Variants in CYTH4 observed in about 807,000 individuals in gnomAD.
CYTH4 encodes cytohesin-4.
A neutral mutation model predicts 57.5 loss-of-function variants in CYTH4; 22 were observed. The observed-to-expected ratio is 0.38, with a 90% CI of 0.27 to 0.55. The LOEUF (loss-of-function observed/expected upper bound fraction) is 0.55, where lower values mean the gene tolerates loss of function less well. Among genes scored for constraint, CYTH4 ranks in the 20% least tolerant of loss-of-function variants. CYTH4 has a pLI of 0.74. For missense variants in CYTH4, 420 were observed against 535.6 expected, an observed-to-expected ratio of 0.78 and a Z score of 2.13; for synonymous variants, 186 against 206.5, an observed-to-expected ratio of 0.90 and a Z score of 0.85.
At chr22:37,296,145 C>G (rs977425674) in intron 4 of CYTH4, 80 bp downstream of exon 4, 15 of 1,381,158 alleles carry the variant, frequency 1.1e-5, no homozygotes, top group Non-Finnish European at 1.5e-5. Flanking sequence ...TCGCTCCCCT[C>G]GGCTGACACG....
intron 8 of CYTH4, 84 bp from the exon 9 acceptor site, chr22:37,309,128 A>G: frequency 2.5e-6 from 3 of 1,213,298 alleles, no homozygotes; most frequent in Non-Finnish European, 3.6e-6. Flanking sequence ...TGACCTGCTC[A>G]AGGCCACACA....
rs1476346923 is a variant in CYTH4 at position 37,311,597 on chromosome 22, A to T, written c.957+70A>T. ...AATTTCCTAAACAGAACGTGGGGAG[A>T]GGGCCTGAGGCTGGGCTCTCCAGGA... On this transcript the variant is annotated intron_variant, in intron 11 of 12. Transcript: ENST00000248901. The surrounding 1 kb of genome is among the most constrained non-coding windows in gnomAD (Gnocchi z 4.4). 1.3e-6 allele frequency: 2 copies of T among 1,495,882 alleles called. No homozygotes were observed. Among genetic ancestry groups the T allele is most frequent in the African/African-American group, 2.8e-5 (2 of 72,522 alleles). The allele number at this position is 1,495,882 out of a possible 1,614,324, so 92.7% of individuals were successfully genotyped here. A position where few individuals can be genotyped will look rare whatever the true frequency, so the allele number is the denominator to read the frequency against.
chr22:37,311,677 T>TCC lies in CYTH4; in HGVS notation c.957+151_957+152dup. 1 of 788,910 alleles carries TCC rather than the reference T, an allele frequency of 1.3e-6. No individual in the cohort carries two copies. Among genetic ancestry groups the TCC allele is most frequent in the Non-Finnish European group, 2.1e-6 (1 of 483,030 alleles). 48.9% of individuals were successfully genotyped at this position (788,910 alleles called of 1,614,324 possible). On this transcript the variant is annotated intron_variant, in intron 11 of 12. Coordinates refer to ENST00000248901, the MANE Select transcript of CYTH4 (RefSeq NM_013385.5). The surrounding 1 kb of genome is among the most constrained non-coding windows in gnomAD (Gnocchi z 4.4). ...GTGGCTCAGGGCTGCCTTCTCTCCC[T>TCC]CCTGGGGCCATGGACAGTGAGAAAA...
intron 5 of CYTH4, chr22:37,297,891 T>C: frequency 2.1e-6 from 1 of 466,392 alleles, no homozygotes; most frequent in Non-Finnish European, 4.0e-6. Flanking sequence ...TAAATGTTGC[T>C]CAGGGTCTAC....
chr22:37,288,749 C>T (rs370125999), intron 1 of CYTH4, among the ~76,000 whole-genome samples: 102 of 152,328 alleles, frequency 6.7e-4, no homozygotes, highest in African/African-American at 2.1e-3. Context: ...TGGAGGATGG[C>T]GCCCCATCCA....
chr22:37,290,398 G>A (rs1221749103), intron 1 of CYTH4, among the ~76,000 whole-genome samples: 1 of 152,186 alleles, frequency 6.6e-6, no homozygotes, highest in Non-Finnish European at 1.5e-5. Context: ...CAATGTTGCA[G>A]GACTCTTCCC....
rs1184320960 is a variant in CYTH4 at position 37,303,396 on chromosome 22, G to A, written c.690G>A (p.Gln230=). The A allele has an allele frequency of 6.2e-7, 1 of 1,613,164 alleles. No individual in the cohort carries two copies. Among genetic ancestry groups the A allele is most frequent in the Non-Finnish European group, 8.5e-7 (1 of 1,179,722 alleles). The change falls in exon 8 of 13, where the codon CAG becomes CAA. Residue 230 remains glutamine (Q), a synonymous_variant. Coordinates refer to ENST00000248901, the MANE Select transcript of CYTH4 (RefSeq NM_013385.5). Reference sequence around the variant, plus strand: ...ATGGTAGCGACCTGCCCGAGGACCAGCTGCGGGTGAGAGAGGCGCAGCCCA... The same window carrying A: ...ATGGTAGCGACCTGCCCGAGGACCAACTGCGGGTGAGAGAGGCGCAGCCCA... ...INNGSDLPED[Q]LRNLFDSIKS...
chr22:37,304,329 G>A (rs1436394029), intron 8 of CYTH4: 2 of 454,942 alleles, frequency 4.4e-6, no homozygotes, highest in South Asian at 1.6e-5. Flanking sequence ...GGTGGGGCCA[G>A]AGGGTCCAGG....
In CYTH4 at chr22:37,309,971, A is replaced by G. The variant is rs1417196084; in HGVS notation, c.808+648A>G. 6.4e-6 allele frequency: 3 copies of G among 467,658 alleles called. No individual in the cohort carries two copies. The Admixed American group carries it at 7.1e-5, about 11-fold the overall frequency. The allele number at this position is 467,658 out of a possible 1,614,324, so 29.0% of individuals were successfully genotyped here. ...CCGGCCGTCTGCCCCTGCCTCCCAC[A>G]CACACTTCCGGAAGCCTCTCCAGCA... On this transcript the variant is annotated intron_variant, in intron 9 of 12. Coordinates refer to ENST00000248901, the MANE Select transcript of CYTH4 (RefSeq NM_013385.5).
Position 37,295,618 on chromosome 22 carries a change from G to A in CYTH4, c.168-381G>A, listed in dbSNP as rs918494240. 6.6e-6 allele frequency among the ~76,000 whole-genome samples: 1 copy of A among 152,240 alleles called. No individual in the cohort carries two copies. The highest frequency in any genetic ancestry group is 1.5e-5 in the Non-Finnish European group (1 of 68,042). The stretch of plus-strand genomic sequence containing the variant: ...AGATGAGGAACCTGAGGCCCAGAGA[G>A]AGGAAGTGACTCGCCCAAAGCAGCC... On this transcript the variant is annotated intron_variant, in intron 3 of 12. Transcript: ENST00000248901. This position sits in a 1 kb window ranked among gnomAD's most constrained non-coding sequence, Gnocchi z 4.1.
At chr22:37,297,717 T>C (rs774454890) in intron 5 of CYTH4, 35 bp downstream of exon 5, 7 of 1,577,418 alleles carry the variant, frequency 4.4e-6, no homozygotes, top group Admixed American at 3.3e-5. Context: ...AGGCAGGAAA[T>C]GAAGGTGTGC....
At chr22:37,285,873 C>T (rs950838780) in intron 1 of CYTH4, among the ~76,000 whole-genome samples, 3 of 152,166 alleles carry the variant, frequency 2.0e-5, no homozygotes, top group Non-Finnish European at 4.4e-5. Context: ...CATCATCACC[C>T]TCATGTGGGT....
At chr22:37,304,721 G>A (rs1205446752) in intron 8 of CYTH4, among the ~76,000 whole-genome samples, 3 of 152,180 alleles carry the variant, frequency 2.0e-5, no homozygotes, top group South Asian at 2.1e-4. Flanking sequence ...GAGCCACTCC[G>A]TAGCATGAGA....
intron 4 of CYTH4, 45 bp downstream of exon 4, chr22:37,296,110 A>C: frequency 6.3e-7 from 1 of 1,579,098 alleles, no homozygotes; most frequent in Non-Finnish European, 8.6e-7. Flanking sequence ...TGGGGGCTGC[A>C]TGGGAGCACC....
chr22:37,311,408 T>C lies in CYTH4; in HGVS notation c.886-48T>C. ...ACACGTTCACACCCTGCCTTGGGCCTCAGGGTTCCGCTTCCTGACCCTGAC... is the reference window on the plus strand; with the variant it reads ...ACACGTTCACACCCTGCCTTGGGCCCCAGGGTTCCGCTTCCTGACCCTGAC... On this transcript the variant is annotated intron_variant, in intron 10 of 12. Coordinates refer to ENST00000248901, the MANE Select transcript of CYTH4 (RefSeq NM_013385.5). This position sits in a 1 kb window ranked among gnomAD's most constrained non-coding sequence, Gnocchi z 4.4. 1 of 1,548,758 alleles carries C rather than the reference T, an allele frequency of 6.5e-7. No individual in the cohort carries two copies. The highest frequency in any genetic ancestry group is 1.4e-5 in the African/African-American group (1 of 73,690).
Position 37,311,108 on chromosome 22 carries a change from C to T in CYTH4, c.885+44C>T. On this transcript the variant is annotated intron_variant, in intron 10 of 12. Transcript: ENST00000248901. This position sits in a 1 kb window ranked among gnomAD's most constrained non-coding sequence, Gnocchi z 4.4. ...GGCCTTCCCCTGCCCCCGCCTCTCCCCGCACAACCCACTTCCCAACTCCCA... is the reference window on the plus strand; with the variant it reads ...GGCCTTCCCCTGCCCCCGCCTCTCCTCGCACAACCCACTTCCCAACTCCCA... 1 of 1,601,976 alleles carries T rather than the reference C, an allele frequency of 6.2e-7. No homozygotes were observed. Among genetic ancestry groups the T allele is most frequent in the Non-Finnish European group, 8.6e-7 (1 of 1,169,470 alleles).
Position 37,311,194 on chromosome 22 carries a change from C to T in CYTH4, c.885+130C>T, listed in dbSNP as rs1929627686. On this transcript the variant is annotated intron_variant, in intron 10 of 12. Coordinates refer to ENST00000248901, the MANE Select transcript of CYTH4 (RefSeq NM_013385.5). The surrounding 1 kb of genome is among the most constrained non-coding windows in gnomAD (Gnocchi z 4.4). Reference sequence around the variant, plus strand: ...AGATCATTCAGTCCCCCTCCATGCCCATTTTACAGATGGGGAAAACGGGTA... The same window carrying T: ...AGATCATTCAGTCCCCCTCCATGCCTATTTTACAGATGGGGAAAACGGGTA... 3 of 1,086,806 alleles carry T rather than the reference C, an allele frequency of 2.8e-6. No homozygotes were observed. Among genetic ancestry groups the T allele is most frequent in the Admixed American group, 3.9e-5 (2 of 51,208 alleles). 67.3% of individuals were successfully genotyped at this position (1,086,806 alleles called of 1,614,324 possible).
intron 8 of CYTH4, 101 bp from the exon 9 acceptor site, chr22:37,309,111 A>G (rs1929538114): frequency 2.3e-6 from 2 of 884,954 alleles, no homozygotes; most frequent in Non-Finnish European, 3.6e-6. Context: ...GTATGCCTGC[A>G]GGTGAGTGAC....
At chr22:37,288,311 C>G (rs758956814) in intron 1 of CYTH4, among the ~76,000 whole-genome samples, 9 of 152,192 alleles carry the variant, frequency 5.9e-5, no homozygotes, top group Non-Finnish European at 8.8e-5. Context: ...GCTCAGGAGG[C>G]TGAGACAGGA....
Sources: allele counts gnomAD v4.1 joint callset (sites outside exome capture counted in the v4.1 genomes callset), GRCh38; gene constraint gnomAD v4.1.1; non-coding constraint Gnocchi (gnomAD v3.1); transcripts MANE v1.5; gene names NCBI Gene and HGNC (gene_info 2026-07-23, HGNC 2026-07-21).